Variants in EXOC6B observed in about 807,000 individuals in gnomAD.
EXOC6B encodes the protein exocyst complex component 6B.
A neutral mutation model predicts 113.5 loss-of-function variants in EXOC6B; 54 were observed. That is an observed-to-expected ratio of 0.48 (90% CI 0.38 to 0.60). The LOEUF is 0.60. Among genes scored for constraint, EXOC6B ranks in the 20% least tolerant of loss-of-function variants. The probability of loss-of-function intolerance (pLI) is 0.00; values close to 1 mark genes in which losing one functional copy is unlikely to be tolerated. For synonymous variants in EXOC6B, 357 were observed against 339.0 expected (o/e 1.05, Z -0.58); for missense variants, 797 against 977.5 (o/e 0.82, Z 2.46).
intron 18 of EXOC6B, among the ~76,000 whole-genome samples, chr2:72,447,359 T>C (rs1454645012): frequency 1.3e-5 from 2 of 152,168 alleles, no homozygotes; most frequent in African/African-American, 2.4e-5. Flanking sequence ...TAAACTAAGA[T>C]CTATCTCTCT....
chr2:72,260,560 C>T (rs1683651673), intron 20 of EXOC6B, among the ~76,000 whole-genome samples: 1 of 152,178 alleles, frequency 6.6e-6, no homozygotes, highest in Admixed American at 6.5e-5. Flanking sequence ...GGATTTCAAA[C>T]ACCCTGAAAG....
At chr2:72,266,802 G>C (rs1158615748) in intron 20 of EXOC6B, among the ~76,000 whole-genome samples, 1 of 152,120 alleles carries the variant, frequency 6.6e-6, no homozygotes, top group Admixed American at 6.5e-5. Context: ...GAAAGTCATT[G>C]GTAGCTTGAT....
chr2:72,666,062 T>C (rs1012648494), intron 6 of EXOC6B, among the ~76,000 whole-genome samples: 1 of 152,150 alleles, frequency 6.6e-6, no homozygotes, highest in African/African-American at 2.4e-5. Flanking sequence ...ATAAACCAGA[T>C]GTAAACCAAC....
chr2:72,630,703 T>C (rs890289384), intron 6 of EXOC6B, among the ~76,000 whole-genome samples: 5 of 152,108 alleles, frequency 3.3e-5, no homozygotes, highest in Admixed American at 6.6e-5. Context: ...AAAACAATAA[T>C]TCTGCCAAAA....
intron 12 of EXOC6B, 55 bp from the exon 13 acceptor site, chr2:72,498,606 GT>G (rs74263957): frequency 0.076 from 62,272 of 821,000 alleles, no homozygotes; most frequent in South Asian, 0.093. Flanking sequence ...TTTTTTTTCG[GT>G]TTTTTTTTTT....
intron 6 of EXOC6B, among the ~76,000 whole-genome samples, chr2:72,641,694 G>C (rs977298066): frequency 1.3e-5 from 2 of 152,240 alleles, no homozygotes; most frequent in Non-Finnish European, 2.9e-5. Context: ...CTCTCTGACA[G>C]CTCTAAAGAG....
intron 18 of EXOC6B, among the ~76,000 whole-genome samples, chr2:72,389,993 T>C (rs913313458): frequency 2.0e-5 from 3 of 152,048 alleles, no homozygotes; most frequent in African/African-American, 4.8e-5. Context: ...TACTCCTCCA[T>C]TGAATTGCTT....
At chr2:72,715,193 C>T (rs1185278244) in intron 6 of EXOC6B, among the ~76,000 whole-genome samples, 5 of 152,082 alleles carry the variant, frequency 3.3e-5, no homozygotes, top group African/African-American at 7.2e-5. Flanking sequence ...CACCAATGCA[C>T]TCCAGCCTAG....
intron 10 of EXOC6B, among the ~76,000 whole-genome samples, chr2:72,513,643 T>C (rs1425877909): frequency 6.6e-6 from 1 of 151,826 alleles, no homozygotes; most frequent in African/African-American, 2.4e-5. Flanking sequence ...AGCTAATATA[T>C]ACATCATATA....
At chr2:72,747,472 G>A (rs189258718) in intron 1 of EXOC6B, among the ~76,000 whole-genome samples, 74 of 152,108 alleles carry the variant, frequency 4.9e-4, no homozygotes, top group Admixed American at 4.7e-3. Flanking sequence ...AATGGCAAAG[G>A]GGAAAATGGA....
chr2:72,400,901 A>G (rs1019632319), intron 18 of EXOC6B, among the ~76,000 whole-genome samples: 15 of 152,134 alleles, frequency 9.9e-5, no homozygotes, highest in African/African-American at 3.6e-4. Context: ...CAGAAAACTA[A>G]AAAAGAACTA....
At chr2:72,332,841 AATG>A (rs1324796482) in intron 20 of EXOC6B, among the ~76,000 whole-genome samples, 2 of 152,140 alleles carry the variant, frequency 1.3e-5, no homozygotes, top group Non-Finnish European at 2.9e-5. Flanking sequence ...CTCCTTTTAA[AATG>A]ATGCTCACTT....
chr2:72,610,858 A>C (rs116193559), intron 6 of EXOC6B, among the ~76,000 whole-genome samples: 1 of 152,312 alleles, frequency 6.6e-6, no homozygotes, highest in Non-Finnish European at 1.5e-5. Flanking sequence ...CTCCGCAGTG[A>C]AGAAACCTGA....
chr2:72,684,216 C>T (rs988282815), intron 6 of EXOC6B, among the ~76,000 whole-genome samples: 5 of 152,158 alleles, frequency 3.3e-5, no homozygotes, highest in South Asian at 2.1e-4. Context: ...CATGAGCCAC[C>T]GTGCCAGACT....
chr2:72,408,865 T>C (rs1317353491), intron 18 of EXOC6B, among the ~76,000 whole-genome samples: 1 of 152,054 alleles, frequency 6.6e-6, no homozygotes, highest in African/African-American at 2.4e-5. Context: ...AATTGACAAA[T>C]GGGATCTCAT....
intron 1 of EXOC6B, among the ~76,000 whole-genome samples, chr2:72,795,744 T>C (rs1684908431): frequency 6.6e-6 from 1 of 152,076 alleles, no homozygotes. Context: ...CAGGTAAAAT[T>C]AAAGTGCTTA....
At chr2:72,503,053 T>G (rs2105606919) in intron 11 of EXOC6B, among the ~76,000 whole-genome samples, 1 of 152,318 alleles carries the variant, frequency 6.6e-6, no homozygotes, top group Non-Finnish European at 1.5e-5. Flanking sequence ...TTTGGCTTGC[T>G]TCCATCATTT....
intron 6 of EXOC6B, among the ~76,000 whole-genome samples, chr2:72,642,594 A>G (rs1673340944): frequency 1.4e-5 from 2 of 146,884 alleles, no homozygotes; most frequent in Non-Finnish European, 3.0e-5. Context: ...CCTTCCTTAC[A>G]CCTTATACAA....
intron 1 of EXOC6B, among the ~76,000 whole-genome samples, chr2:72,763,633 A>G (rs1046413516): frequency 6.6e-6 from 1 of 151,990 alleles, no homozygotes; most frequent in African/African-American, 2.4e-5. Context: ...CATGTTGGCC[A>G]GGCTGGTCTT....
Sources: allele counts gnomAD v4.1 joint callset (sites outside exome capture counted in the v4.1 genomes callset), GRCh38; gene constraint gnomAD v4.1.1; transcripts MANE v1.5; gene names NCBI Gene and HGNC (gene_info 2026-07-23, HGNC 2026-07-21).